The following KIAA0825 variants were observed in gnomAD, a reference collection of about 807,000 sequenced individuals.
KIAA0825 encodes KIAA0825.
A neutral mutation model predicts 147.6 loss-of-function variants in KIAA0825; 119 were observed. The observed-to-expected ratio is 0.81, with a 90% confidence interval of 0.69 to 0.94. The LOEUF (loss-of-function observed/expected upper bound fraction) is 0.94, where lower values mean the gene tolerates loss of function less well. Among genes scored for constraint, KIAA0825 ranks in the 40% least tolerant of loss-of-function variants. The probability of loss-of-function intolerance (pLI) is 0.00; values close to 1 mark genes in which losing one functional copy is unlikely to be tolerated. For synonymous variants in KIAA0825, 470 were observed against 518.1 expected (o/e 0.91, Z 1.26); for missense variants, 1,381 against 1,472.7 (o/e 0.94, Z 1.02).
chr5:94,574,067 A>G (rs1223117400), intron 2 of KIAA0825, among the ~76,000 whole-genome samples: 1 of 152,164 alleles, frequency 6.6e-6, no homozygotes, highest in Non-Finnish European at 1.5e-5. Flanking sequence ...GGAGCTCCCT[A>G]TGGGCAGATG....
At chr5:94,446,141 C>G (rs1197288402) in intron 13 of KIAA0825, among the ~76,000 whole-genome samples, 1 of 152,196 alleles carries the variant, frequency 6.6e-6, no homozygotes, top group Non-Finnish European at 1.5e-5. Flanking sequence ...TTTAATATAG[C>G]ACTTATGCAA....
intron 18 of KIAA0825, among the ~76,000 whole-genome samples, chr5:94,388,207 A>G (rs1749432129): frequency 6.6e-6 from 1 of 152,154 alleles, no homozygotes; most frequent in African/African-American, 2.4e-5. Flanking sequence ...TCATGCTCCT[A>G]TGAGAATCTA....
chr5:94,374,443 ACT>A (rs1034102630), intron 20 of KIAA0825, among the ~76,000 whole-genome samples: 4 of 152,074 alleles, frequency 2.6e-5, no homozygotes, highest in Non-Finnish European at 4.4e-5. Context: ...TAAGAGAATT[ACT>A]CTCTCTGTCT....
intron 20 of KIAA0825, among the ~76,000 whole-genome samples, chr5:94,187,004 A>G (rs555831618): frequency 1.3e-5 from 2 of 152,354 alleles, no homozygotes; most frequent in South Asian, 4.1e-4. Context: ...GATGGATCAT[A>G]TAATAGAAAA....
chr5:94,344,877 G>A (rs935034387), intron 20 of KIAA0825, among the ~76,000 whole-genome samples: 13 of 152,176 alleles, frequency 8.5e-5, no homozygotes, highest in South Asian at 2.1e-4. Flanking sequence ...ATTCAGTGAC[G>A]GAAAATAGCA....
chr5:94,170,082 G>A (rs533980062), intron 20 of KIAA0825, among the ~76,000 whole-genome samples: 2 of 152,196 alleles, frequency 1.3e-5, no homozygotes, highest in East Asian at 1.9e-4. Context: ...GGCAGTTCAC[G>A]AGGTCAGGAG....
In KIAA0825 at chr5:94,299,732, G is replaced by A. The variant is rs1424506701; in HGVS notation, c.3710+84636C>T. On this transcript the variant is annotated intron_variant, in intron 20 of 20. Transcript: ENST00000682413. ...ATAGAAGTTTAAATGGCTTTTGGGA[G>A]CTTAAGTAAAAAGAGATAATTAATT... 2.0e-4 allele frequency among the ~76,000 whole-genome samples: 31 copies of A among 152,152 alleles called. 1 individual carries two copies. Among genetic ancestry groups the A allele is most frequent in the Admixed American group, 2.0e-3 (31 of 15,270 alleles).
At chr5:94,377,737 TA>T (rs1398011529) in intron 20 of KIAA0825, among the ~76,000 whole-genome samples, 1 of 152,242 alleles carries the variant, frequency 6.6e-6, no homozygotes, top group Non-Finnish European at 1.5e-5. Context: ...GCAAACTTTC[TA>T]AATTGAAACA....
chr5:94,275,255 T>C (rs1187981206), intron 20 of KIAA0825, among the ~76,000 whole-genome samples: 1 of 151,906 alleles, frequency 6.6e-6, no homozygotes, highest in African/African-American at 2.4e-5. Flanking sequence ...CTTCGGAGAG[T>C]TGTTGGAATA....
At position 94,520,330 on chromosome 5, in the gene KIAA0825, C is replaced by T; in HGVS notation, c.888G>A (p.Glu296=). ...GAACAGCATTTTCTCTGAACTGCAG[C>T]TCACAAAAATTTTCAAGAAATTTTG... is the stretch of plus-strand genomic sequence containing the variant. ...EMAKFLENFC[E]LQFRENAVRV... The change falls in exon 5 of 21, where the codon GAG becomes GAA. Residue 296 remains glutamate (E), a synonymous_variant. Coordinates refer to ENST00000682413, the MANE Select transcript of KIAA0825 (RefSeq NM_001145678.3). 7 of 1,613,492 alleles carry T rather than the reference C, an allele frequency of 4.3e-6. No homozygotes were observed. Among genetic ancestry groups the T allele is most frequent in the Non-Finnish European group, 5.9e-6 (7 of 1,179,538 alleles).
chr5:94,279,098 A>C (rs1376085605), intron 20 of KIAA0825, among the ~76,000 whole-genome samples: 1 of 152,106 alleles, frequency 6.6e-6, no homozygotes, highest in Non-Finnish European at 1.5e-5. Context: ...TTAATGAAAG[A>C]TTATAAACTA....
intron 20 of KIAA0825, among the ~76,000 whole-genome samples, chr5:94,252,950 A>C (rs1199708611): frequency 6.6e-6 from 1 of 151,976 alleles, no homozygotes; most frequent in Non-Finnish European, 1.5e-5. Flanking sequence ...CTTAAGACAT[A>C]AACCTACATG....
intron 7 of KIAA0825, among the ~76,000 whole-genome samples, chr5:94,474,191 G>A (rs1321429051): frequency 1.3e-5 from 2 of 152,172 alleles, no homozygotes; most frequent in African/African-American, 4.8e-5. Context: ...GTACTTGGAA[G>A]GGAGTAGAAG....
chr5:94,465,737 T>C (rs925577906), intron 10 of KIAA0825, among the ~76,000 whole-genome samples: 1 of 152,342 alleles, frequency 6.6e-6, no homozygotes, highest in East Asian at 1.9e-4. Context: ...CACTTCATAC[T>C]TTTAAAGAGT....
At chr5:94,179,700 G>A (rs1769423983) in intron 20 of KIAA0825, among the ~76,000 whole-genome samples, 1 of 152,032 alleles carries the variant, frequency 6.6e-6, no homozygotes, top group East Asian at 1.9e-4. Flanking sequence ...TGAAAGTAAG[G>A]AAGTAAAGGA....
intron 5 of KIAA0825, among the ~76,000 whole-genome samples, chr5:94,495,696 C>T (rs1054330757): frequency 7.9e-5 from 12 of 152,080 alleles, no homozygotes; most frequent in African/African-American, 9.7e-5. Context: ...ACATTACACT[C>T]GATACATAAG....
intron 20 of KIAA0825, among the ~76,000 whole-genome samples, chr5:94,370,703 G>A (rs767112067): frequency 3.3e-5 from 5 of 152,006 alleles, no homozygotes; most frequent in South Asian, 2.1e-4. Context: ...TCAGGAGATC[G>A]AGATCATCCT....
chr5:94,532,696 A>ATT (rs772203748), intron 3 of KIAA0825, among the ~76,000 whole-genome samples: 9 of 135,152 alleles, frequency 6.7e-5, no homozygotes, highest in Non-Finnish European at 8.0e-5. Flanking sequence ...GCCTGGGCTA[A>ATT]TTTTTTTTTT....
chr5:94,537,626 C>T (rs1260722745), intron 2 of KIAA0825, among the ~76,000 whole-genome samples: 5 of 137,010 alleles, frequency 3.6e-5, no homozygotes, highest in Admixed American at 8.0e-5. Flanking sequence ...GCAGCCTGGG[C>T]GACAGAGCAA....
Sources: gnomAD v4.1 joint callset for allele counts (sites outside exome capture counted in the v4.1 genomes callset) on GRCh38, gnomAD v4.1.1 for gene constraint, MANE v1.5 for transcripts, NCBI Gene and HGNC (gene_info 2026-07-23, HGNC 2026-07-21) for gene names.